IKBKE: variants seen among roughly 807,000 people sequenced by gnomAD.
The protein encoded by IKBKE is inhibitor of nuclear factor kappa-B kinase subunit epsilon.
In IKBKE, 45 loss-of-function variants were observed where a neutral mutation model predicts 92.1. The observed-to-expected ratio is 0.49, with a 90% CI of 0.38 to 0.63. The LOEUF is 0.63. IKBKE is among the 20% of genes least tolerant of loss of function. The pLI is 0.00. For missense variants in IKBKE, 700 were observed against 932.8 expected, an observed-to-expected ratio of 0.75 and a Z score of 3.25; for synonymous variants, 374 against 380.3, an observed-to-expected ratio of 0.98 and a Z score of 0.19.
chr1:206,488,088 C>G, intron 16 of IKBKE, 98 bp downstream of exon 16: 2 of 879,600 alleles, frequency 2.3e-6, no homozygotes, highest in Non-Finnish European at 3.7e-6. Context: ...CACTAACCTC[C>G]AGCTAAGTGG....
chr1:206,487,998 C>CG lies in IKBKE; in HGVS notation c.1693+12dup. On this transcript the variant is annotated intron_variant, in intron 16 of 21. Coordinates refer to ENST00000581977, the MANE Select transcript of IKBKE (RefSeq NM_014002.4). The surrounding 1 kb of genome is among the most constrained non-coding windows in gnomAD (Gnocchi z 5.3). The stretch of plus-strand genomic sequence containing the variant: ...AGTCTAGGATGAGGCCAGGTGAGCC[C>CG]GGGGAGGGCAGATGCCCCTTCTCTC... The CG allele has an allele frequency of 1.9e-6, 3 of 1,606,532 alleles. No individual in the cohort carries two copies. Among genetic ancestry groups the CG allele is most frequent in the Non-Finnish European group, 8.5e-7 (1 of 1,173,804 alleles).
Position 206,494,592 on chromosome 1 carries a change from C to CTTTTTTTTTTTTT in IKBKE, c.2117+618_2117+630dup, listed in dbSNP as rs58971788. 8.3e-4 allele frequency among the ~76,000 whole-genome samples: 53 copies of CTTTTTTTTTTTTT among 63,906 alleles called. 4 individuals are homozygous for CTTTTTTTTTTTTT. Among genetic ancestry groups the CTTTTTTTTTTTTT allele is most frequent in the African/African-American group, 2.4e-3 (42 of 17,410 alleles). 41.9% of individuals were successfully genotyped at this position (63,906 alleles called of 152,430 possible). A position where few individuals can be genotyped will look rare whatever the true frequency, so the allele number is the denominator to read the frequency against. On this transcript the variant is annotated intron_variant, in intron 21 of 21. Coordinates refer to ENST00000581977, the MANE Select transcript of IKBKE (RefSeq NM_014002.4). ...TTTTGCATACCAGTAAAAGTTCTTT[C>CTTTTTTTTTTTTT]TTTTTTTTTTTTTTTTTTTTTTTTT...
At chr1:206,492,854 C>T in intron 18 of IKBKE, 169 bp from the exon 19 acceptor site, 1 of 708,130 alleles carries the variant, frequency 1.4e-6, no homozygotes, top group Non-Finnish European at 2.6e-6. Context: ...TGCATTATTG[C>T]AGTGGGGCGG....
chr1:206,491,084 T>A, intron 17 of IKBKE: 6 of 602,606 alleles, frequency 1.0e-5, no homozygotes, highest in South Asian at 9.7e-5. Context: ...TTACTTCTGG[T>A]ATGGACAAGA....
Position 206,473,185 on chromosome 1 carries a change from T to C in IKBKE, c.-32-11T>C, listed in dbSNP as rs782498140. 2.0e-6 allele frequency: 3 copies of C among 1,520,220 alleles called. No homozygotes were observed. The Admixed American group carries it at 5.3e-5, about 27-fold the overall frequency. 94.2% of individuals were successfully genotyped at this position (1,520,220 alleles called of 1,614,324 possible). On this transcript the variant is annotated splice_polypyrimidine_tract_variant and intron_variant, in intron 2 of 21. Coordinates refer to ENST00000581977, the MANE Select transcript of IKBKE (RefSeq NM_014002.4). The stretch of plus-strand genomic sequence containing the variant: ...ATGGAATCCTGGGCCCCCAGCATGC[T>C]CTTTCTCTAGGCAGAAGGTGACCAG...
At position 206,484,364 on chromosome 1, in the gene IKBKE, G is replaced by A. The variant is rs527463794; in HGVS notation, c.1428-633G>A. On this transcript the variant is annotated intron_variant, in intron 13 of 21. Transcript: ENST00000581977. Reference sequence around the variant, plus strand: ...GCTAGAATACATTATTGATGATGCCGGGTATTGTATGTTGACATACCACTG... The same window carrying A: ...GCTAGAATACATTATTGATGATGCCAGGTATTGTATGTTGACATACCACTG... Among the ~76,000 whole-genome samples, 8 of 152,212 alleles carry A rather than the reference G, an allele frequency of 5.3e-5. No homozygotes were observed. In the Middle Eastern group the frequency reaches 0.01, roughly 194 times the overall value.
Position 206,485,067 on chromosome 1 carries a change from C to G in IKBKE, c.1498C>G (p.Arg500Gly), listed in dbSNP as rs781938435. 4 of 1,613,366 alleles carry G rather than the reference C, an allele frequency of 2.5e-6. No individual in the cohort carries two copies. The Admixed American group carries it at 6.7e-5, about 27-fold the overall frequency. ...GGCTGCAGAACTGAGGTCCAGGCTG[C>G]GGACTGTGAGTGAGGCTGGAGGGCA... Reference protein sequence around the residue: ...KAAAELRSRLRTLAEVLSRCS... With the variant: ...KAAAELRSRLGTLAEVLSRCS... The change falls in exon 14 of 22, where the codon CGG (arginine) becomes GGG (glycine). Residue 500 changes from arginine to glycine, a missense_variant. Transcript: ENST00000581977. The surrounding 1 kb of genome is among the most constrained non-coding windows in gnomAD (Gnocchi z 5.0).
chr1:206,494,110 A>G, intron 21 of IKBKE, 119 bp downstream of exon 21: 1 of 753,744 alleles, frequency 1.3e-6, no homozygotes, highest in South Asian at 1.7e-5. Context: ...CCATTTTCGA[A>G]GAAGCCCTGT....
chr1:206,475,038 AG>A, intron 5 of IKBKE, 44 bp downstream of exon 5: 2 of 1,605,816 alleles, frequency 1.2e-6, no homozygotes, highest in Non-Finnish European at 1.7e-6. Flanking sequence ...GACCAGCGGC[AG>A]GCCTGGGACA....
In IKBKE at chr1:206,491,081, T is replaced by C. The variant is rs1244922648; in HGVS notation, c.1733+223T>C. 6 of 603,702 alleles carry C rather than the reference T, an allele frequency of 9.9e-6. No homozygotes were observed. The African/African-American group carries it at 1.1e-4, about 11-fold the overall frequency. The allele number at this position is 603,702 out of a possible 1,614,324, so 37.4% of individuals were successfully genotyped here. On this transcript the variant is annotated intron_variant, in intron 17 of 21. Coordinates refer to ENST00000581977, the MANE Select transcript of IKBKE (RefSeq NM_014002.4). ...ATCTTGAAGTAACTGGATTTACTTC[T>C]GGTATGGACAAGACTGTTTGCAGGC...
At chr1:206,482,059 G>A (rs536917931) in intron 13 of IKBKE, among the ~76,000 whole-genome samples, 71 of 152,114 alleles carry the variant, frequency 4.7e-4, no homozygotes, top group Non-Finnish European at 7.9e-4. Flanking sequence ...GATTACAGGC[G>A]TGAGCCACCG....
chr1:206,471,842 A>G (rs1664792764), intron 2 of IKBKE, among the ~76,000 whole-genome samples: 1 of 152,268 alleles, frequency 6.6e-6, no homozygotes, highest in Non-Finnish European at 1.5e-5. Context: ...TTACACAGAG[A>G]AAAAGTTCAG....
At chr1:206,494,235 T>C (rs1462524071) in intron 21 of IKBKE, among the ~76,000 whole-genome samples, 2 of 152,198 alleles carry the variant, frequency 1.3e-5, no homozygotes, top group Admixed American at 1.3e-4. Flanking sequence ...CCTGGAGGCA[T>C]GGGGTTTGTG....
chr1:206,482,977 G>A (rs1392816440), intron 13 of IKBKE, among the ~76,000 whole-genome samples: 1 of 152,226 alleles, frequency 6.6e-6, no homozygotes, highest in East Asian at 1.9e-4. Flanking sequence ...TGCATATCCT[G>A]CCTCAGGTTC....
rs1349445353 is a variant in IKBKE at position 206,474,976 on chromosome 1, G to A, written c.340G>A (p.Val114Met). The A allele has an allele frequency of 6.2e-7, 1 of 1,613,932 alleles. No individual in the cohort carries two copies. The highest frequency in any genetic ancestry group is 8.5e-7 in the Non-Finnish European group (1 of 1,180,036). ...AFGLPEDEFL[V>M]VLRCVVAGMN... ...TGGGCTGCCTGAGGATGAGTTCCTG[G>A]TGGTGCTGCGCTGTGTGGGTGAGCC... The change falls in exon 5 of 22, where the codon GTG becomes ATG. Residue 114 changes from valine (V) to methionine (M), a missense_variant. Transcript: ENST00000581977.
intron 20 of IKBKE, 106 bp downstream of exon 20, chr1:206,493,484 A>T (rs966402772): frequency 1.2e-6 from 1 of 811,326 alleles, no homozygotes; most frequent in Non-Finnish European, 2.0e-6. Flanking sequence ...TGCCAGGCCT[A>T]GGAGGCAAGA....
In IKBKE at chr1:206,475,001, C is replaced by T. The variant is rs1309595609; in HGVS notation, c.358+7C>T. On this transcript the variant is annotated splice_region_variant and intron_variant, in intron 5 of 21. Coordinates refer to ENST00000581977, the MANE Select transcript of IKBKE (RefSeq NM_014002.4). ...GTGGTGCTGCGCTGTGTGGGTGAGC[C>T]CCTCCCTGTCCCTGCCTCCACCCTC... 1.1e-5 allele frequency: 18 copies of T among 1,613,472 alleles called. No individual in the cohort carries two copies. Among genetic ancestry groups the T allele is most frequent in the Non-Finnish European group, 1.4e-5 (17 of 1,179,882 alleles).
rs1282140168 is a variant in IKBKE at position 206,478,373 on chromosome 1, C to T, written c.992+34C>T. On this transcript the variant is annotated intron_variant, in intron 9 of 21. Transcript: ENST00000581977. This position sits in a 1 kb window ranked among gnomAD's most constrained non-coding sequence, Gnocchi z 4.8. The stretch of plus-strand genomic sequence containing the variant: ...GGGCGAGGGAGGGAAGCGGTGAGAA[C>T]CTTCTCTACCCAAGCAGCAGTGCAT... The T allele has an allele frequency of 6.3e-7, 1 of 1,595,868 alleles. No homozygotes were observed. The highest frequency in any genetic ancestry group is 1.1e-5 in the South Asian group (1 of 90,830).
chr1:206,475,826 T>G (rs892469533), intron 5 of IKBKE, among the ~76,000 whole-genome samples: 1 of 151,920 alleles, frequency 6.6e-6, no homozygotes, highest in Admixed American at 6.6e-5. Flanking sequence ...TTAGTGCCAA[T>G]GAAGTGTACA....
Sources: allele counts gnomAD v4.1 joint callset (sites outside exome capture counted in the v4.1 genomes callset), GRCh38; gene constraint gnomAD v4.1.1; non-coding constraint Gnocchi (gnomAD v3.1); transcripts MANE v1.5; gene names NCBI Gene and HGNC (gene_info 2026-07-23, HGNC 2026-07-21).